The following ING5 variants were observed in gnomAD, a reference collection of about 807,000 sequenced individuals.
The protein encoded by ING5 is inhibitor of growth protein 5.
A neutral mutation model predicts 37.4 loss-of-function variants in ING5; 17 were observed. That is an observed-to-expected ratio of 0.45 (90% CI 0.31 to 0.68). The LOEUF (loss-of-function observed/expected upper bound fraction) is 0.68, where lower values mean the gene tolerates loss of function less well. ING5 is among the 30% of genes least tolerant of loss of function. The probability of loss-of-function intolerance (pLI) is 0.05; values close to 1 mark genes in which losing one functional copy is unlikely to be tolerated. For missense variants in ING5, 233 were observed against 311.9 expected (o/e 0.75, Z 1.91); for synonymous variants, 123 against 116.6 (o/e 1.06, Z -0.36).
chr2:241,724,947 G>A (rs142081672), intron 7 of ING5, 42 bp from the exon 8 acceptor site: 54,356 of 1,609,610 alleles, frequency 0.034, 1,117 homozygotes, highest in Middle Eastern at 0.042. Flanking sequence ...GCGCGCTGGC[G>A]GAAATGGCGC....
At chr2:241,702,161 C>T (rs929218396) in intron 1 of ING5, 59 bp downstream of exon 1, 143 of 1,079,364 alleles carry the variant, frequency 1.3e-4, no homozygotes, top group Non-Finnish European at 1.6e-4. Context: ...CGTGCCGCAG[C>T]CCCCCGCGCG....
intron 5 of ING5, chr2:241,719,366 C>T: frequency 3.0e-6 from 2 of 659,278 alleles, no homozygotes; most frequent in South Asian, 1.7e-5. Context: ...CGCCCCCAAC[C>T]CCCCAACACC....
intron 2 of ING5, among the ~76,000 whole-genome samples, chr2:241,705,696 G>A (rs987671431): frequency 2.2e-4 from 33 of 151,928 alleles, no homozygotes; most frequent in Non-Finnish European, 1.0e-4. Flanking sequence ...ATGAGCCACC[G>A]CGCCCGGCCC....
At position 241,704,686 on chromosome 2, in the gene ING5, A is replaced by T. The variant is rs1237505756; in HGVS notation, c.71A>T (p.Asn24Ile). 6.2e-7 allele frequency: 1 copy of T among 1,614,166 alleles called. No homozygotes were observed. Among genetic ancestry groups the T allele is most frequent in the South Asian group, 1.1e-5 (1 of 91,088 alleles). ...AACCTTCCCTGCGAACTTCAGAGGA[A>T]CTTCCAGCTGATGCGAGAGCTGGAC... ...IENLPCELQR[N>I]FQLMRELDQR... is the part of the protein sequence containing the mutation. Residue 24 changes from asparagine (N) to isoleucine (I), a missense_variant, in exon 2 of 8, where the codon AAC (asparagine) becomes ATC (isoleucine). Asn to Ile is a moderately radical substitution (Grantham distance 149). Transcript: ENST00000313552.
intron 7 of ING5, among the ~76,000 whole-genome samples, chr2:241,724,432 G>A (rs1244502305): frequency 7.9e-5 from 12 of 152,178 alleles, no homozygotes; most frequent in East Asian, 5.8e-4. Context: ...GACGGTTGCC[G>A]TCATGCGAGT....
chr2:241,728,697 C>T lies in ING5; in HGVS notation c.*3666C>T, dbSNP rs763739344. The T allele has an allele frequency of 6.6e-6, 1 of 152,274 alleles. No individual in the cohort carries two copies. The highest frequency in any genetic ancestry group is 1.5e-5 in the Non-Finnish European group (1 of 68,062). The allele number at this position is 152,274 out of a possible 1,614,324, so 9.4% of individuals were successfully genotyped here. A position where few individuals can be genotyped will look rare whatever the true frequency, so the allele number is the denominator to read the frequency against. Reference sequence around the variant, plus strand: ...CCGCCCGTCTCATGCTGGACGGGACCCCTGGGCGGGTGGACATGAGACCAC... The same window carrying T: ...CCGCCCGTCTCATGCTGGACGGGACTCCTGGGCGGGTGGACATGAGACCAC... On this transcript the variant is annotated 3_prime_UTR_variant, in exon 8 of 8. Transcript: ENST00000313552.
rs376759425 is a variant in ING5, at chr2:241,726,857, T to G, written c.*1826T>G. On this transcript the variant is annotated 3_prime_UTR_variant, in exon 8 of 8. Transcript: ENST00000313552. ...TCACCCAGGCTGGAGAGCAGTGGCG[T>G]GATCTCGGCTCACTGCAAGCTCCGC... is the stretch of plus-strand genomic sequence containing the variant. The G allele has an allele frequency of 6.6e-6, 1 of 151,808 alleles. No individual in the cohort carries two copies. Among genetic ancestry groups the G allele is most frequent in the African/African-American group, 2.4e-5 (1 of 41,300 alleles). 9.4% of individuals were successfully genotyped at this position (151,808 alleles called of 1,614,324 possible).
chr2:241,687,715 G>A, exon 1 of ING5: 1 of 178,574 alleles, frequency 5.6e-6, no homozygotes, highest in Middle Eastern at 2.3e-3. Context: ...TTTTAGTAGA[G>A]ACGGGGTTTC....
intron 2 of ING5, among the ~76,000 whole-genome samples, chr2:241,691,963 A>G (rs1049404933): frequency 1.3e-5 from 2 of 152,152 alleles, no homozygotes; most frequent in Non-Finnish European, 2.9e-5. Flanking sequence ...TGGGAGGATC[A>G]CTTGAGCCTA....
chr2:241,722,848 C>T, intron 5 of ING5, 91 bp from the exon 6 acceptor site: 10 of 1,571,874 alleles, frequency 6.4e-6, no homozygotes, highest in Non-Finnish European at 7.7e-6. Context: ...GGTGAGGGGG[C>T]CTTAAGTCAG....
At position 241,723,194 on chromosome 2, in the gene ING5, TC is replaced by T; in HGVS notation, c.619-13del. 1 of 1,614,192 alleles carries T rather than the reference TC, an allele frequency of 6.2e-7. No homozygotes were observed. Among genetic ancestry groups the T allele is most frequent in the Non-Finnish European group, 8.5e-7 (1 of 1,179,980 alleles). ...CATGAGGCGTGTTGACTGCGGTTTC[TC>T]CCTTTACTTTGCAGTGTCCAATTGA... On this transcript the variant is annotated splice_polypyrimidine_tract_variant and intron_variant, in intron 6 of 7. Transcript: ENST00000313552.
upstream of ING5, among the ~76,000 whole-genome samples, chr2:241,698,332 C>A (rs2069660527): frequency 2.0e-5 from 3 of 151,804 alleles, no homozygotes. Context: ...GTAGTTCCAG[C>A]TACTCAGGAG....
chr2:241,723,921 G>T, intron 7 of ING5: 1 of 1,302,456 alleles, frequency 7.7e-7, no homozygotes. Flanking sequence ...GAGGCGGGAG[G>T]ATGGCTTGAG....
chr2:241,688,696 T>C (rs2069495068), intron 1 of ING5, among the ~76,000 whole-genome samples: 1 of 152,186 alleles, frequency 6.6e-6, no homozygotes, highest in Non-Finnish European at 1.5e-5. Flanking sequence ...CGATCTCAGC[T>C]CACTGCACCC....
chr2:241,693,624 T>C (rs1267662738), intron 2 of ING5, among the ~76,000 whole-genome samples: 10 of 150,608 alleles, frequency 6.6e-5, no homozygotes, highest in Non-Finnish European at 1.3e-4. Flanking sequence ...CTGTTCACAT[T>C]AGAGTTGTTG....
rs1442718271 is a variant in ING5 at position 241,712,366 on chromosome 2, G to A, written c.482+295G>A. The A allele has an allele frequency of 1.2e-5, 4 of 337,664 alleles. No individual in the cohort carries two copies. In the East Asian group the frequency reaches 2.2e-4, roughly 19 times the overall value. 20.9% of individuals were successfully genotyped at this position (337,664 alleles called of 1,614,324 possible). ...CAGTGCCTGTCCTCTTAGCCACAGT[G>A]TGTGCTGCCCCACTAGGGACAGGAG... is the stretch of plus-strand genomic sequence containing the variant. On this transcript the variant is annotated intron_variant, in intron 5 of 7. Coordinates refer to ENST00000313552, the MANE Select transcript of ING5 (RefSeq NM_032329.6).
Position 241,725,042 on chromosome 2 carries a change from G to A in ING5, c.*11G>A, listed in dbSNP as rs1182832649. ...AGGAAGAAGAAGTAGGAGGAGCTGTGTGCCCGGATCCGAGGAGCAAGTTAA... is the reference window on the plus strand; with the variant it reads ...AGGAAGAAGAAGTAGGAGGAGCTGTATGCCCGGATCCGAGGAGCAAGTTAA... On this transcript the variant is annotated 3_prime_UTR_variant, in exon 8 of 8. Transcript: ENST00000313552. The A allele has an allele frequency of 6.2e-7, 1 of 1,613,922 alleles. No individual in the cohort carries two copies. The highest frequency in any genetic ancestry group is 2.2e-5 in the East Asian group (1 of 44,874).
chr2:241,715,808 A>C (rs1249961055), intron 5 of ING5, among the ~76,000 whole-genome samples: 1 of 145,674 alleles, frequency 6.9e-6, no homozygotes, highest in African/African-American at 2.6e-5. Context: ...TTTTCATGCT[A>C]CTTCTTTGCC....
chr2:241,692,188 C>T (rs867004577), intron 2 of ING5, among the ~76,000 whole-genome samples: 2 of 152,218 alleles, frequency 1.3e-5, no homozygotes, highest in African/African-American at 4.8e-5. Flanking sequence ...GAGCTGGCGC[C>T]TCGTGCCTCA....
Sources: allele counts gnomAD v4.1 joint callset (sites outside exome capture counted in the v4.1 genomes callset), GRCh38; gene constraint gnomAD v4.1.1; transcripts MANE v1.5; gene names NCBI Gene and HGNC (gene_info 2026-07-23, HGNC 2026-07-21).